ARK2N: variants seen among roughly 807,000 people sequenced by gnomAD.
ARK2N encodes arkadia (RNF111) N-terminal like PKA signaling regulator 2N.
chr18:46,220,595 A>G, the ARK2N span, among the ~76,000 whole-genome samples: 1 of 152,222 alleles, frequency 6.6e-6, no homozygotes, highest in African/African-American at 2.4e-5. Context: ...ATGATATATA[A>G]CAAAATTTGT....
At chr18:46,193,581 G>A in the ARK2N span, among the ~76,000 whole-genome samples, 422 of 140,478 alleles carry the variant, frequency 3.0e-3, 3 homozygotes, top group African/African-American at 0.01. Flanking sequence ...GAGCCACTGC[G>A]CCCAGCCGGG....
the ARK2N span, among the ~76,000 whole-genome samples, chr18:46,236,672 G>C: frequency 2.0e-5 from 3 of 152,122 alleles, no homozygotes; most frequent in African/African-American, 7.2e-5. Flanking sequence ...TTTATTTGAA[G>C]TAATTACTTT....
chr18:46,208,885 T>G, the ARK2N span, among the ~76,000 whole-genome samples: 1 of 152,218 alleles, frequency 6.6e-6, no homozygotes, highest in Non-Finnish European at 1.5e-5. Context: ...GTGGGTAATA[T>G]GCATTTCATA....
At chr18:46,181,782 T>C in the ARK2N span, among the ~76,000 whole-genome samples, 2 of 152,090 alleles carry the variant, frequency 1.3e-5, no homozygotes, top group African/African-American at 4.8e-5. Flanking sequence ...GATTGATTGA[T>C]TGATTGATTG....
the ARK2N span, among the ~76,000 whole-genome samples, chr18:46,258,079 G>T: frequency 3.3e-5 from 5 of 151,950 alleles, no homozygotes; most frequent in Non-Finnish European, 7.4e-5. Context: ...GGTGCACGCC[G>T]CCATGCCTGG....
At chr18:46,262,600 G>C in the ARK2N span, among the ~76,000 whole-genome samples, 16 of 152,182 alleles carry the variant, frequency 1.1e-4, no homozygotes, top group African/African-American at 2.9e-4. Context: ...GGATTTATGT[G>C]TTGCCCTATC....
chr18:46,224,001 A>G, the ARK2N span, among the ~76,000 whole-genome samples: 1 of 152,200 alleles, frequency 6.6e-6, no homozygotes, highest in Non-Finnish European at 1.5e-5. Flanking sequence ...AGAGACCCAA[A>G]CTATAGGTGA....
chr18:46,243,505 G>C, the ARK2N span, among the ~76,000 whole-genome samples: 1 of 152,106 alleles, frequency 6.6e-6, no homozygotes, highest in Admixed American at 6.5e-5. Flanking sequence ...CAAGCAATTA[G>C]ATGATTATCT....
chr18:46,223,546 C>T, the ARK2N span, among the ~76,000 whole-genome samples: 2 of 152,160 alleles, frequency 1.3e-5, no homozygotes, highest in Non-Finnish European at 1.5e-5. Context: ...GGAAACTTCT[C>T]TTTGCATCTT....
the ARK2N span, among the ~76,000 whole-genome samples, chr18:46,251,274 T>C: frequency 5.3e-5 from 8 of 152,346 alleles, no homozygotes; most frequent in Non-Finnish European, 7.3e-5. Flanking sequence ...AGAACTTGGA[T>C]GAAGACTTGG....
At chr18:46,185,840 A>G in the ARK2N span, among the ~76,000 whole-genome samples, 3 of 152,080 alleles carry the variant, frequency 2.0e-5, no homozygotes, top group African/African-American at 7.2e-5. Flanking sequence ...TACAAAAATT[A>G]GCTGGGCTTG....
the ARK2N span, chr18:46,266,083 A>G: frequency 2.6e-5 from 4 of 152,160 alleles, no homozygotes; most frequent in African/African-American, 9.7e-5. Context: ...TTTTTATTCA[A>G]TTTATTTCAT....
At chr18:46,210,570 T>TA in the ARK2N span, among the ~76,000 whole-genome samples, 1 of 151,938 alleles carries the variant, frequency 6.6e-6, no homozygotes, top group African/African-American at 2.4e-5. Flanking sequence ...GTTGGAGAAA[T>TA]AAAATTACTA....
chr18:46,211,608 T>C, the ARK2N span, among the ~76,000 whole-genome samples: 2 of 152,082 alleles, frequency 1.3e-5, no homozygotes, highest in African/African-American at 4.8e-5. Flanking sequence ...CAAAAATGAA[T>C]GAATGGTCCA....
the ARK2N span, among the ~76,000 whole-genome samples, chr18:46,181,873 GC>G: frequency 1.3e-5 from 2 of 152,134 alleles, no homozygotes; most frequent in African/African-American, 4.8e-5. Flanking sequence ...CTCTCATAGT[GC>G]TGGGATTACA....
chr18:46,253,672 T>G, the ARK2N span: 1 of 1,602,182 alleles, frequency 6.2e-7, no homozygotes, highest in South Asian at 1.1e-5. Context: ...TAGTGCTTGT[T>G]TTTTTTCCTC....
chr18:46,230,664 T>G, the ARK2N span, among the ~76,000 whole-genome samples: 99 of 152,328 alleles, frequency 6.5e-4, no homozygotes, highest in African/African-American at 2.3e-3. Flanking sequence ...ATAATTTTTT[T>G]CTCTTGTTTT....
the ARK2N span, among the ~76,000 whole-genome samples, chr18:46,208,808 G>A: frequency 1.3e-5 from 2 of 152,130 alleles, no homozygotes; most frequent in Admixed American, 6.5e-5. Flanking sequence ...ATGTGGAATG[G>A]ACATCAGACA....
the ARK2N span, among the ~76,000 whole-genome samples, chr18:46,200,187 A>T: frequency 5.3e-5 from 8 of 152,078 alleles, no homozygotes; most frequent in East Asian, 1.5e-3. Context: ...GAAAGACCAC[A>T]TTTGCTATCT....
Sources: allele counts gnomAD v4.1 joint callset (sites outside exome capture counted in the v4.1 genomes callset), GRCh38; gene constraint gnomAD v4.1.1; transcripts MANE v1.5; gene names NCBI Gene and HGNC (gene_info 2026-07-23, HGNC 2026-07-21).